Variants in AKAP13 observed in about 807,000 individuals in gnomAD.
AKAP13 encodes the protein A-kinase anchoring protein 13.
In AKAP13, 80 loss-of-function variants were observed where a neutral mutation model predicts 264.5. The observed-to-expected ratio is 0.30, with a 90% confidence interval of 0.25 to 0.36. The LOEUF is 0.36. Among genes scored for constraint, AKAP13 ranks in the 10% least tolerant of loss-of-function variants. The pLI, the probability that AKAP13 is intolerant of heterozygous loss-of-function variation, is 1.00. For missense variants in AKAP13, 3,712 were observed against 3,435.2 expected, an observed-to-expected ratio of 1.08 and a Z score of -2.01; for synonymous variants, 1,380 against 1,250.2, an observed-to-expected ratio of 1.10 and a Z score of -2.19.
intron 2 of AKAP13, among the ~76,000 whole-genome samples, chr15:85,502,352 A>C (rs1231698791): frequency 6.6e-6 from 1 of 152,222 alleles, no homozygotes; most frequent in African/African-American, 2.4e-5. Context: ...GCAATTATTG[A>C]ATACTTACTA....
At chr15:85,680,667 C>G (rs570907017) in intron 14 of AKAP13, among the ~76,000 whole-genome samples, 39 of 152,152 alleles carry the variant, frequency 2.6e-4, no homozygotes, top group African/African-American at 8.9e-4. Flanking sequence ...GGGTTCAAGA[C>G]CAGCCTGGGC....
chr15:85,693,527 C>T, intron 17 of AKAP13, 76 bp downstream of exon 17: 1 of 1,575,214 alleles, frequency 6.3e-7, no homozygotes, highest in Non-Finnish European at 8.6e-7. Context: ...TTTCCTGTCC[C>T]CACTCATTAT....
At chr15:85,691,097 GAT>G (rs1293268343) in intron 16 of AKAP13, among the ~76,000 whole-genome samples, 2 of 152,196 alleles carry the variant, frequency 1.3e-5, no homozygotes, top group African/African-American at 4.8e-5. Flanking sequence ...CAGACGAAAT[GAT>G]GTATGTAGAA....
chr15:85,712,138 C>A (rs2086663409), intron 19 of AKAP13, among the ~76,000 whole-genome samples: 1 of 152,038 alleles, frequency 6.6e-6, no homozygotes, highest in Non-Finnish European at 1.5e-5. Context: ...CCAGCCTGGT[C>A]TGTGTTTTAA....
chr15:85,711,809 G>C (rs2086645283), intron 19 of AKAP13, among the ~76,000 whole-genome samples: 1 of 152,188 alleles, frequency 6.6e-6, no homozygotes, highest in Non-Finnish European at 1.5e-5. Context: ...GATGGGACCA[G>C]CATTCTGTGT....
At chr15:85,546,247 C>T (rs2077733951) in intron 5 of AKAP13, among the ~76,000 whole-genome samples, 1 of 151,552 alleles carries the variant, frequency 6.6e-6, no homozygotes, top group East Asian at 1.9e-4. Context: ...TTGATTTTAT[C>T]TTTCTATGGT....
At chr15:85,433,111 T>G (rs1216534716) in intron 1 of AKAP13, among the ~76,000 whole-genome samples, 2 of 148,422 alleles carry the variant, frequency 1.3e-5, no homozygotes, top group Non-Finnish European at 3.0e-5. Context: ...TGTTCCCTTC[T>G]GTACAGTTTT....
chr15:85,383,894 TGTTA>T (rs1320273622), intron 1 of AKAP13, among the ~76,000 whole-genome samples: 4 of 152,234 alleles, frequency 2.6e-5, no homozygotes, highest in Admixed American at 6.5e-5. Flanking sequence ...GTGTTAACAG[TGTTA>T]GTTCAGTACA....
chr15:85,529,350 C>T (rs557057270), intron 3 of AKAP13, among the ~76,000 whole-genome samples: 1 of 152,160 alleles, frequency 6.6e-6, no homozygotes, highest in Admixed American at 6.5e-5. Context: ...GAACCCGGGA[C>T]GCAGAGCTTG....
intron 33 of AKAP13, 73 bp downstream of exon 33, chr15:85,736,207 CTTTT>C: frequency 3.8e-6 from 4 of 1,057,630 alleles, no homozygotes; most frequent in Non-Finnish European, 4.0e-6. Flanking sequence ...TTGTTTTTTC[CTTTT>C]TTTTTTTTCT....
At position 85,533,728 on chromosome 15, in the gene AKAP13, A is replaced by G. The variant is rs148518787; in HGVS notation, c.326A>G (p.Asn109Ser). Reference sequence around the variant, plus strand: ...CAATTCCTAGCAACCAGTGCTGGAAATCAGCAGGCTTTGAACTTTACCCGT... The same window carrying G: ...CAATTCCTAGCAACCAGTGCTGGAAGTCAGCAGGCTTTGAACTTTACCCGT... The part of the protein sequence containing the change: ...AAQFLATSAG[N>S]QQALNFTRFL... Residue 109 changes from asparagine to serine, a missense_variant, in exon 4 of 37, where the codon AAT becomes AGT. Transcript: ENST00000394518. 1.4e-5 allele frequency: 22 copies of G among 1,614,104 alleles called. No individual in the cohort carries two copies. Among genetic ancestry groups the G allele is most frequent in the Middle Eastern group, 1.6e-4 (1 of 6,084 alleles).
intron 8 of AKAP13, among the ~76,000 whole-genome samples, chr15:85,603,330 C>T (rs1457621405): frequency 6.6e-6 from 1 of 152,202 alleles, no homozygotes; most frequent in Non-Finnish European, 1.5e-5. Context: ...ATAATGACTC[C>T]TGATTCATTC....
At position 85,580,908 on chromosome 15, in the gene AKAP13, T is replaced by G; in HGVS notation, c.2840T>G (p.Leu947Trp). The change falls in exon 7 of 37, where the codon TTG becomes TGG. Residue 947 changes from leucine to tryptophan, a missense_variant. Coordinates refer to ENST00000394518, the MANE Select transcript of AKAP13 (RefSeq NM_007200.5). ...GAAAATGCTCTCTCTTCAGGAACTT[T>G]GCAGGAAGAGCAGAGAACACCACCT... is the stretch of plus-strand genomic sequence containing the variant. ...IKENALSSGT[L>W]QEEQRTPPPG... The G allele has an allele frequency of 6.2e-7, 1 of 1,614,222 alleles. No homozygotes were observed. The highest frequency in any genetic ancestry group is 8.5e-7 in the Non-Finnish European group (1 of 1,180,036).
chr15:85,483,638 A>AAAAACC, intron 1 of AKAP13, among the ~76,000 whole-genome samples: 1 of 110,602 alleles, frequency 9.0e-6, no homozygotes, highest in Non-Finnish European at 1.8e-5. Flanking sequence ...GTCTCAAAAA[A>AAAAACC]AAAAAAAAAA....
At chr15:85,446,509 T>G (rs768829574) in intron 1 of AKAP13, among the ~76,000 whole-genome samples, 46 of 152,026 alleles carry the variant, frequency 3.0e-4, no homozygotes, top group Non-Finnish European at 3.8e-4. Context: ...CACTTGGCAA[T>G]TAGGTTATGG....
At chr15:85,520,712 T>C (rs1321957588) in intron 2 of AKAP13, 2 of 518,854 alleles carry the variant, frequency 3.9e-6, no homozygotes, top group Non-Finnish European at 7.7e-6. Flanking sequence ...TTAAAAATAT[T>C]ATAGACCGAG....
At position 85,744,878 on chromosome 15, in the gene AKAP13, G is replaced by C. The variant is rs996964438; in HGVS notation, c.*201G>C. The C allele has an allele frequency of 1.9e-6, 1 of 516,744 alleles. No homozygotes were observed. The allele number at this position is 516,744 out of a possible 1,614,324, so 32.0% of individuals were successfully genotyped here. ...GGGAAGGAGGCCCAGACTCTGCTTC[G>C]GCCATGATTTGTGACTGCCCAGGAC... On this transcript the variant is annotated 3_prime_UTR_variant, in exon 37 of 37. Coordinates refer to ENST00000394518, the MANE Select transcript of AKAP13 (RefSeq NM_007200.5).
At chr15:85,699,656 G>C (rs559470854) in intron 17 of AKAP13, among the ~76,000 whole-genome samples, 1 of 152,230 alleles carries the variant, frequency 6.6e-6, no homozygotes, top group South Asian at 2.1e-4. Context: ...TAGTTTCAAA[G>C]GTTTTTCTAG....
At chr15:85,430,282 CTCT>C (rs1474757268) in intron 1 of AKAP13, among the ~76,000 whole-genome samples, 3 of 152,148 alleles carry the variant, frequency 2.0e-5, no homozygotes, top group African/African-American at 7.2e-5. Context: ...TGAATACAAC[CTCT>C]TCTTGGCAGT....
Sources: allele counts gnomAD v4.1 joint callset (sites outside exome capture counted in the v4.1 genomes callset), GRCh38; gene constraint gnomAD v4.1.1; transcripts MANE v1.5; gene names NCBI Gene and HGNC (gene_info 2026-07-23, HGNC 2026-07-21).